LNX2: variants seen among roughly 807,000 people sequenced by gnomAD.
LNX2 encodes ligand of numb-protein X 2, also known as ligand of Numb protein X 2.
A neutral mutation model predicts 66.2 loss-of-function variants in LNX2; 35 were observed. The observed-to-expected ratio is 0.53, with a 90% CI of 0.40 to 0.70. The LOEUF is 0.70. Ranked by LOEUF, LNX2 falls within the 30% of genes least tolerant of loss-of-function variation. The pLI, the probability that LNX2 is intolerant of heterozygous loss-of-function variation, is 0.00. For missense variants in LNX2, 791 were observed against 850.8 expected (o/e 0.93, Z 0.87); for synonymous variants, 337 against 315.6 (o/e 1.07, Z -0.72).
chr13:27,580,043 A>C (rs1377148638), intron 2 of LNX2, among the ~76,000 whole-genome samples: 1 of 152,182 alleles, frequency 6.6e-6, no homozygotes, highest in Non-Finnish European at 1.5e-5. Context: ...CATTTTAATA[A>C]CATCTTTGTT....
chr13:27,600,004 T>C (rs1955639749), intron 1 of LNX2, among the ~76,000 whole-genome samples: 1 of 152,168 alleles, frequency 6.6e-6, no homozygotes, highest in Non-Finnish European at 1.5e-5. Context: ...TATCTTGTTT[T>C]CCCCTATCAG....
chr13:27,580,640 G>C (rs189359440), intron 2 of LNX2, among the ~76,000 whole-genome samples: 40 of 152,208 alleles, frequency 2.6e-4, no homozygotes, highest in Non-Finnish European at 1.5e-5. Flanking sequence ...TATGAGAACA[G>C]AAATCCCCAC....
intron 1 of LNX2, among the ~76,000 whole-genome samples, chr13:27,586,580 C>G (rs752530902): frequency 8.5e-5 from 13 of 152,208 alleles, no homozygotes; most frequent in Non-Finnish European, 1.3e-4. Context: ...GACAATAATG[C>G]TTTCTTTCAG....
chr13:27,568,983 G>T (rs1446850324), intron 3 of LNX2, 46 bp downstream of exon 3: 2 of 1,524,506 alleles, frequency 1.3e-6, no homozygotes, highest in Non-Finnish European at 1.8e-6. Context: ...GTAGTGGGAA[G>T]AAAGGAAATA....
chr13:27,577,863 A>G (rs1332751643), intron 2 of LNX2, among the ~76,000 whole-genome samples: 3 of 152,228 alleles, frequency 2.0e-5, no homozygotes, highest in Non-Finnish European at 4.4e-5. Context: ...GATGAGTGGT[A>G]GAGCGTAGGA....
chr13:27,571,632 A>C (rs1295129404), intron 2 of LNX2, among the ~76,000 whole-genome samples: 1 of 152,188 alleles, frequency 6.6e-6, no homozygotes, highest in African/African-American at 2.4e-5. Flanking sequence ...AATAAAGTGA[A>C]TTTATTTAAA....
intron 8 of LNX2, among the ~76,000 whole-genome samples, chr13:27,550,805 G>A (rs1954999696): frequency 6.6e-6 from 1 of 152,050 alleles, no homozygotes; most frequent in South Asian, 2.1e-4. Flanking sequence ...ACCTATATCA[G>A]CTCACTGCAT....
intron 8 of LNX2, among the ~76,000 whole-genome samples, chr13:27,550,793 G>C (rs1024037529): frequency 3.3e-5 from 5 of 152,052 alleles, no homozygotes; most frequent in African/African-American, 1.2e-4. Context: ...AAAAGGTCAT[G>C]TACCTATATC....
intron 2 of LNX2, among the ~76,000 whole-genome samples, chr13:27,572,800 C>T (rs1357743966): frequency 6.6e-6 from 1 of 151,982 alleles, no homozygotes; most frequent in Non-Finnish European, 1.5e-5. Context: ...GGTGGTAGTG[C>T]AGTAGAAACA....
chr13:27,562,752 G>C lies in LNX2; in HGVS notation c.885C>G (p.Ser295=). 6.2e-7 allele frequency: 1 copy of C among 1,613,460 alleles called. No individual in the cohort carries two copies. ...QVNNYNISNV[S]HNYARAVLSQ... ...AAAGGACAGCTCGGGCATAGTTATG[G>C]GACACATTGCTGATATTGTAGTTGT... Residue 295 remains serine, a synonymous_variant, in exon 5 of 10, where the codon TCC becomes TCG. Transcript: ENST00000316334.
At chr13:27,568,035 T>A (rs1265415866) in intron 3 of LNX2, among the ~76,000 whole-genome samples, 196 bp from the exon 4 acceptor site, 1 of 152,172 alleles carries the variant, frequency 6.6e-6, no homozygotes, top group East Asian at 1.9e-4. Context: ...CTACTAAAAC[T>A]GATCAGTAAA....
chr13:27,610,793 C>A (rs767380710), intron 1 of LNX2, among the ~76,000 whole-genome samples: 1 of 152,004 alleles, frequency 6.6e-6, no homozygotes, highest in African/African-American at 2.4e-5. Flanking sequence ...ACAAAAAAAA[C>A]AGGCCAAGGA....
chr13:27,557,146 C>T (rs1012415154), intron 6 of LNX2, among the ~76,000 whole-genome samples: 5 of 152,036 alleles, frequency 3.3e-5, no homozygotes, highest in Non-Finnish European at 7.4e-5. Flanking sequence ...ATAAGATGTA[C>T]ATATGCAATA....
chr13:27,553,502 T>C, intron 7 of LNX2, 63 bp from the exon 8 acceptor site: 2 of 1,301,420 alleles, frequency 1.5e-6, no homozygotes, highest in African/African-American at 1.5e-5. Context: ...GCAAATCTTG[T>C]TGTTTATAAA....
Position 27,550,364 on chromosome 13 carries a change from CCAAGA to C in LNX2, c.1901_1905del (p.Val634GlyfsTer7). On this transcript the variant is annotated frameshift_variant, in exon 9 of 10. Transcript: ENST00000316334. LOFTEE classifies it high-confidence loss of function. ...CTTCCATCATAATAAGCAGGAGTTC[CCAAGA>C]CAATAGTTTTAATGAAAAAAGGCTG... 3 of 1,613,646 alleles carry C rather than the reference CCAAGA, an allele frequency of 1.9e-6. No individual in the cohort carries two copies. Among genetic ancestry groups the C allele is most frequent in the Non-Finnish European group, 2.5e-6 (3 of 1,179,814 alleles).
intron 1 of LNX2, among the ~76,000 whole-genome samples, chr13:27,598,863 G>A (rs1955627049): frequency 6.6e-6 from 1 of 151,916 alleles, no homozygotes; most frequent in African/African-American, 2.4e-5. Context: ...ACATAAACAA[G>A]TAAATGACAG....
intron 1 of LNX2, among the ~76,000 whole-genome samples, chr13:27,609,158 TC>T (rs370769911): frequency 0.2 from 4,026 of 20,310 alleles, 77 homozygotes; most frequent in South Asian, 0.25. Flanking sequence ...ATTTTTTTTT[TC>T]TTTTTTTTTA....
chr13:27,604,693 A>C (rs149103853), intron 1 of LNX2, among the ~76,000 whole-genome samples: 28 of 152,140 alleles, frequency 1.8e-4, no homozygotes, highest in African/African-American at 6.0e-4. Context: ...AAAAGTAAAA[A>C]ATTCTACTAT....
rs1421708445 is a variant in LNX2, at chr13:27,547,537, G to A, written c.*798C>T. On this transcript the variant is annotated 3_prime_UTR_variant, in exon 10 of 10. Coordinates refer to ENST00000316334, the MANE Select transcript of LNX2 (RefSeq NM_153371.4). Reference sequence around the variant, plus strand: ...CAGAAAATCAGTTTATAAACAGTATGAAGTTTTGAAATGTTGGCACCAATA... The same window carrying A: ...CAGAAAATCAGTTTATAAACAGTATAAAGTTTTGAAATGTTGGCACCAATA... The A allele has an allele frequency of 6.6e-6, 1 of 152,148 alleles. No individual in the cohort carries two copies. The highest frequency in any genetic ancestry group is 1.5e-5 in the Non-Finnish European group (1 of 68,018). 9.4% of individuals were successfully genotyped at this position (152,148 alleles called of 1,614,324 possible).
Sources: gnomAD v4.1 joint callset for allele counts (sites outside exome capture counted in the v4.1 genomes callset) on GRCh38, gnomAD v4.1.1 for gene constraint, MANE v1.5 for transcripts, NCBI Gene and HGNC (gene_info 2026-07-23, HGNC 2026-07-21) for gene names.